WWC2: variants seen among roughly 807,000 people sequenced by gnomAD.
WWC2 encodes WW and C2 domain containing 2, also known as protein WWC2.
Under a neutral mutation model 138.5 loss-of-function variants are expected in WWC2, and 101 were observed. That is an observed-to-expected ratio of 0.73 (90% CI 0.62 to 0.86). The LOEUF (loss-of-function observed/expected upper bound fraction) is 0.86, where lower values mean the gene tolerates loss of function less well. Ranked by LOEUF, WWC2 falls within the 40% of genes least tolerant of loss-of-function variation. The pLI, the probability that WWC2 is intolerant of heterozygous loss-of-function variation, is 0.00. For missense variants in WWC2, 1,420 were observed against 1,419.4 expected, an observed-to-expected ratio of 1.00 and a Z score of -0.01; for synonymous variants, 558 against 538.4, an observed-to-expected ratio of 1.04 and a Z score of -0.50.
At chr4:183,209,878 C>T (rs905146853) in intron 4 of WWC2, among the ~76,000 whole-genome samples, 4 of 152,174 alleles carry the variant, frequency 2.6e-5, no homozygotes, top group African/African-American at 4.8e-5. Flanking sequence ...TGGTCATGAA[C>T]TAGGTTATTA....
rs140465064 is a variant in WWC2, at chr4:183,284,255, C to A, written c.2913C>A (p.Ala971=). 47 of 1,613,812 alleles carry A rather than the reference C, an allele frequency of 2.9e-5. No individual in the cohort carries two copies. Among genetic ancestry groups the A allele is most frequent in the Non-Finnish European group, 4.0e-5 (47 of 1,179,874 alleles). The change falls in exon 19 of 23, where the codon GCC becomes GCA. Residue 971 remains alanine (A), a synonymous_variant. Transcript: ENST00000403733. ...LVDKETNTDE[A]ANDNMAVRPK... is the part of the protein sequence containing the mutation. ...ACAAAGAGACAAACACTGATGAAGC[C>A]GCTAATGACAATATGGCAGTTCGCC...
chr4:183,286,496 T>TA (rs1738258951), intron 20 of WWC2, among the ~76,000 whole-genome samples: 1 of 152,130 alleles, frequency 6.6e-6, no homozygotes, highest in East Asian at 1.9e-4. Context: ...CTTACACAGA[T>TA]ATCTTTAGAA....
rs558331885 is a variant in WWC2 at position 183,231,298 on chromosome 4, C to T, written c.523-8885C>T. On this transcript the variant is annotated intron_variant, in intron 4 of 22. Coordinates refer to ENST00000403733, the MANE Select transcript of WWC2 (RefSeq NM_024949.6). ...TTTTTTTTTTTTTTTGAGACAGAGC[C>T]TCACTCTGTCACCCAGGCTGGAATG... is the stretch of plus-strand genomic sequence containing the variant. Among the ~76,000 whole-genome samples the T allele has an allele frequency of 1.1e-4, 14 of 131,572 alleles. No individual in the cohort carries two copies. In the South Asian group the frequency reaches 3.4e-3, roughly 32 times the overall value. 86.3% of individuals were successfully genotyped at this position (131,572 alleles called of 152,430 possible).
At chr4:183,285,558 C>T (rs1240075402) in intron 19 of WWC2, among the ~76,000 whole-genome samples, 4 of 152,084 alleles carry the variant, frequency 2.6e-5, no homozygotes, top group African/African-American at 9.7e-5. Context: ...GTCAGAAGTT[C>T]GAGGCCAGCC....
chr4:183,118,663 A>C (rs867288227), intron 1 of WWC2, among the ~76,000 whole-genome samples: 1 of 152,244 alleles, frequency 6.6e-6, no homozygotes, highest in African/African-American at 2.4e-5. Flanking sequence ...CTGTCTATAA[A>C]ATAAATTGTT....
At chr4:183,287,077 A>G (rs73006712) in intron 20 of WWC2, among the ~76,000 whole-genome samples, 4,177 of 152,250 alleles carry the variant, frequency 0.027, 198 homozygotes, top group African/African-American at 0.094. Context: ...AGGATCAGGC[A>G]TGATGGCTGG....
At chr4:183,129,683 G>A (rs1312175160) in intron 1 of WWC2, among the ~76,000 whole-genome samples, 3 of 152,120 alleles carry the variant, frequency 2.0e-5, no homozygotes, top group South Asian at 2.1e-4. Flanking sequence ...TAGATGAATC[G>A]ATTTGTACCA....
At position 183,312,437 on chromosome 4, in the gene WWC2, C is replaced by T. The variant is rs1412970519; in HGVS notation, c.3481C>T (p.Gln1161Ter). 1.3e-5 allele frequency: 21 copies of T among 1,613,700 alleles called. No individual in the cohort carries two copies. Among genetic ancestry groups the T allele is most frequent in the Non-Finnish European group, 1.8e-5 (21 of 1,179,788 alleles). The change falls in exon 22 of 23, where the codon CAG (glutamine) becomes TAG (stop). Residue 1161 changes from glutamine (Q) to a stop codon, truncating the protein, a stop_gained. Transcript: ENST00000403733. LOFTEE classifies it high-confidence loss of function. ...KDVCRLREQS[Q>*]KVPRQVQSFR... is the part of the protein sequence containing the mutation. ...CGTGTGTCGGCTCCGGGAGCAGAGC[C>T]AGAAGGTGCCTCGGCAGGTGCAGTC...
chr4:183,256,890 C>G (rs1428030208), intron 9 of WWC2, among the ~76,000 whole-genome samples: 10 of 19,776 alleles, frequency 5.1e-4, no homozygotes, highest in Non-Finnish European at 1.3e-3. Context: ...TACAGCCCCC[C>G]CCCCCCCCCC....
chr4:183,099,777 GC>G (rs1743105065), intron 1 of WWC2, among the ~76,000 whole-genome samples, 155 bp downstream of exon 1: 1 of 151,832 alleles, frequency 6.6e-6, no homozygotes, highest in South Asian at 2.1e-4. Context: ...GGGCCGAGGA[GC>G]CGCCCGTACC....
intron 2 of WWC2, among the ~76,000 whole-genome samples, chr4:183,207,520 G>A (rs959126287): frequency 5.3e-5 from 8 of 152,188 alleles, no homozygotes; most frequent in African/African-American, 1.9e-4. Context: ...CTGAGTTCAT[G>A]GACTGGTGTT....
rs1268972281 is a variant in WWC2, at chr4:183,171,589, CTT to C, written c.132-22009_132-22008del. On this transcript the variant is annotated intron_variant, in intron 1 of 22. Coordinates refer to ENST00000403733, the MANE Select transcript of WWC2 (RefSeq NM_024949.6). ...TGACTTTTAAAATTAAAATTGGAAA[CTT>C]AGTGGGAGATTTTAAAACTTTACGT... Among the ~76,000 whole-genome samples the C allele has an allele frequency of 1.2e-4, 19 of 152,216 alleles. No homozygotes were observed. The Middle Eastern group carries it at 0.01, about 82-fold the overall frequency.
chr4:183,310,690 A>G (rs1249326815), intron 21 of WWC2, among the ~76,000 whole-genome samples: 2 of 144,096 alleles, frequency 1.4e-5, no homozygotes, highest in Admixed American at 6.9e-5. Context: ...TTTTTCATAG[A>G]GAGAGTGTCT....
chr4:183,289,971 G>A (rs911081419), intron 21 of WWC2, among the ~76,000 whole-genome samples: 10 of 151,962 alleles, frequency 6.6e-5, no homozygotes, highest in African/African-American at 1.7e-4. Context: ...CCATCTTAAC[G>A]TAAGACTTGA....
At position 183,317,526 on chromosome 4, in the gene WWC2, AAGAC is replaced by A. The variant is rs1438591659; in HGVS notation, c.*1801_*1804del. On this transcript the variant is annotated 3_prime_UTR_variant, in exon 23 of 23. Transcript: ENST00000403733. ...TCACCCTTGTCAAGGTCAAATGTGA[AAGAC>A]AGAAGTTTATTTAATGTAGAGGTAA... 2 of 152,634 alleles carry A rather than the reference AAGAC, an allele frequency of 1.3e-5. No individual in the cohort carries two copies. Among genetic ancestry groups the A allele is most frequent in the African/African-American group, 4.8e-5 (2 of 41,452 alleles). 9.5% of individuals were successfully genotyped at this position (152,634 alleles called of 1,614,324 possible).
At chr4:183,268,550 A>C (rs1270470184) in intron 14 of WWC2, among the ~76,000 whole-genome samples, 4 of 152,170 alleles carry the variant, frequency 2.6e-5, no homozygotes, top group Non-Finnish European at 5.9e-5. Context: ...TCTCTTGTTT[A>C]ATACTCAGGA....
intron 4 of WWC2, among the ~76,000 whole-genome samples, chr4:183,211,666 A>G (rs1735601847): frequency 6.6e-6 from 1 of 152,000 alleles, no homozygotes; most frequent in Non-Finnish European, 1.5e-5. Context: ...TCTCTTCCCT[A>G]TGCCTTAGCT....
At chr4:183,222,445 T>A (rs1372955441) in intron 4 of WWC2, among the ~76,000 whole-genome samples, 1 of 152,016 alleles carries the variant, frequency 6.6e-6, no homozygotes, top group Non-Finnish European at 1.5e-5. Flanking sequence ...TCATAAAATA[T>A]CTAGAATTAA....
intron 1 of WWC2, among the ~76,000 whole-genome samples, chr4:183,105,982 G>A (rs1470743752): frequency 6.6e-6 from 1 of 151,968 alleles, no homozygotes; most frequent in East Asian, 1.9e-4. Context: ...GAAGAGGAAA[G>A]GGATTTTTTT....
Sources: allele counts gnomAD v4.1 joint callset (sites outside exome capture counted in the v4.1 genomes callset), GRCh38; gene constraint gnomAD v4.1.1; transcripts MANE v1.5; gene names NCBI Gene and HGNC (gene_info 2026-07-23, HGNC 2026-07-21).